Variants in TACC1 observed in about 807,000 individuals in gnomAD.
TACC1 encodes the protein transforming acidic coiled-coil-containing protein 1.
TACC1 carries 48 observed loss-of-function variants against 84.4 expected under a neutral mutation model. That is an observed-to-expected ratio of 0.57 (90% CI 0.45 to 0.72). The LOEUF (loss-of-function observed/expected upper bound fraction) is 0.72, where lower values mean the gene tolerates loss of function less well. Among genes scored for constraint, TACC1 ranks in the 30% least tolerant of loss-of-function variants. TACC1 has a pLI of 0.00. For synonymous variants in TACC1, 372 were observed against 376.3 expected, an observed-to-expected ratio of 0.99 and a Z score of 0.13; for missense variants, 920 against 973.0, an observed-to-expected ratio of 0.95 and a Z score of 0.72.
chr8:38,801,692 G>A (rs1376201480), intron 2 of TACC1, among the ~76,000 whole-genome samples: 1 of 152,068 alleles, frequency 6.6e-6, no homozygotes, highest in South Asian at 2.1e-4. Context: ...GATTGTTTTA[G>A]CTATTCTGAG....
chr8:38,785,032 G>C (rs972096917), upstream of TACC1, among the ~76,000 whole-genome samples: 5 of 148,202 alleles, frequency 3.4e-5, no homozygotes, highest in Non-Finnish European at 5.9e-5. Context: ...TCGGGGTATA[G>C]AAATGATAGA....
intron 1 of TACC1, among the ~76,000 whole-genome samples, chr8:38,735,392 G>A (rs1393797242): frequency 1.3e-5 from 2 of 152,240 alleles, no homozygotes; most frequent in Non-Finnish European, 2.9e-5. Flanking sequence ...ACTCTCCACC[G>A]TTTTCCACCC....
At chr8:38,745,931 A>G (rs1252494855) in intron 3 of TACC1, among the ~76,000 whole-genome samples, 1 of 152,168 alleles carries the variant, frequency 6.6e-6, no homozygotes. Context: ...CTGCAGCTTT[A>G]AACTCCTGGG....
exon 2 of TACC1, chr8:38,742,381 C>A: frequency 6.7e-7 from 1 of 1,497,344 alleles, no homozygotes; most frequent in East Asian, 2.5e-5. Context: ...GAGAGAGGTC[C>A]TGGTCTTGAT....
intron 2 of TACC1, among the ~76,000 whole-genome samples, chr8:38,793,045 T>G (rs1819118636): frequency 6.6e-6 from 1 of 152,176 alleles, no homozygotes; most frequent in South Asian, 2.1e-4. Flanking sequence ...ACACACACCT[T>G]TATCTACAGA....
chr8:38,788,916 A>G, intron 2 of TACC1, 97 bp downstream of exon 2: 1 of 999,236 alleles, frequency 1.0e-6, no homozygotes, highest in Non-Finnish European at 1.5e-6. Context: ...AGGACCATTT[A>G]AGAGAGTTTG....
chr8:38,836,228 G>A lies in TACC1; in HGVS notation c.1780G>A (p.Asp594Asn). ...GTCCTGTGGAGGTGAGAGCCCCCTG[G>A]ATGGGATCTGCCTCAGCGAATCAGA... ...SVSCGGESPLDGICLSESDKT... is the reference protein window; with the variant it reads ...SVSCGGESPLNGICLSESDKT... Residue 594 changes from aspartate (D) to asparagine (N), a missense_variant, in exon 7 of 13, where the codon GAT becomes AAT. Physicochemically the swap from Asp to Asn is conservative, Grantham distance 23. Around this residue, in one of 2 missense-constraint regions of TACC1, gnomAD observed 762 missense variants for 747.3 expected, o/e 1.02. Transcript: ENST00000317827. 1.2e-6 allele frequency: 2 copies of A among 1,613,160 alleles called. No individual in the cohort carries two copies. The highest frequency in any genetic ancestry group is 1.7e-6 in the Non-Finnish European group (2 of 1,179,876).
intron 1 of TACC1, among the ~76,000 whole-genome samples, chr8:38,730,592 A>G (rs1391432662): frequency 6.6e-6 from 1 of 152,238 alleles, no homozygotes; most frequent in Non-Finnish European, 1.5e-5. Context: ...AGGAAGAGCC[A>G]CTGAGTGACT....
In TACC1 at chr8:38,812,242, C is replaced by A. The variant is rs186958463; in HGVS notation, c.278-7280C>A. Among the ~76,000 whole-genome samples, 29 of 152,260 alleles carry A rather than the reference C, an allele frequency of 1.9e-4. No individual in the cohort carries two copies. In the East Asian group the frequency reaches 5.4e-3, roughly 28 times the overall value. On this transcript the variant is annotated intron_variant, in intron 2 of 12. Coordinates refer to ENST00000317827, the MANE Select transcript of TACC1 (RefSeq NM_006283.3). ...CTTGTGATCTTTGCTTTGCCCCTTG[C>A]CTTGTGATCTTTATTGGCCTCAGAA... is the stretch of plus-strand genomic sequence containing the variant.
chr8:38,787,862 T>C, intron 1 of TACC1, 119 bp downstream of exon 1: 1 of 1,023,750 alleles, frequency 9.8e-7, no homozygotes, highest in Non-Finnish European at 1.3e-6. Flanking sequence ...CCGTGCCGCG[T>C]CCCTGCCCGG....
chr8:38,823,056 G>A (rs1005438237), intron 3 of TACC1, among the ~76,000 whole-genome samples: 1 of 152,140 alleles, frequency 6.6e-6, no homozygotes, highest in Non-Finnish European at 1.5e-5. Flanking sequence ...GATCAGTTGG[G>A]GAAATGCTTC....
At chr8:38,759,787 T>C (rs1315284315) in intron 3 of TACC1, among the ~76,000 whole-genome samples, 1 of 152,202 alleles carries the variant, frequency 6.6e-6, no homozygotes, top group Non-Finnish European at 1.5e-5. Context: ...GGTGAAAGAC[T>C]CTAGAAATGC....
At chr8:38,842,221 C>T (rs1245400531) in intron 9 of TACC1, 66 bp from the exon 10 acceptor site, 3 of 1,546,270 alleles carry the variant, frequency 1.9e-6, no homozygotes, top group Admixed American at 3.8e-5. Context: ...GAGAACACTG[C>T]TTGTCTTCTA....
At chr8:38,757,317 C>T (rs1810277674) in intron 3 of TACC1, 11 of 1,266,574 alleles carry the variant, frequency 8.7e-6, no homozygotes, top group African/African-American at 1.6e-5. Context: ...GCAGCCCCGG[C>T]CCCAAGTTCT....
intron 2 of TACC1, among the ~76,000 whole-genome samples, chr8:38,792,633 T>A (rs1818960854): frequency 6.6e-6 from 1 of 152,108 alleles, no homozygotes; most frequent in South Asian, 2.1e-4. Flanking sequence ...GCCCAGCTAA[T>A]TTTTTGTATT....
rs1441073554 is a variant in TACC1 at position 38,839,298 on chromosome 8, G to T, written c.1916+752G>T. 1.0e-5 allele frequency: 4 copies of T among 395,176 alleles called. No homozygotes were observed. The South Asian group carries it at 5.1e-4, about 50-fold the overall frequency. 24.5% of individuals were successfully genotyped at this position (395,176 alleles called of 1,614,324 possible). ...AAACAAAATTGATTGACTTGAAATC[G>T]AAATCTTTTTATTTTTCCTCACTTT... On this transcript the variant is annotated intron_variant, in intron 8 of 12. Coordinates refer to ENST00000317827, the MANE Select transcript of TACC1 (RefSeq NM_006283.3).
Position 38,745,457 on chromosome 8 carries a change from CTGACCTGGAGATGAATAATATAT to C in TACC1, c.-7_16del. ...GTCTTAAGAGAAAAGTCAATCAAATCTGACCTGGAGATGAATAATATATTGAAACTTAAAAGGCAAGGGTTTTA... is the reference window on the plus strand; with the variant it reads ...GTCTTAAGAGAAAAGTCAATCAAATCTGAAACTTAAAAGGCAAGGGTTTTA... On this transcript the variant is annotated start_lost and 5_prime_UTR_variant, in exon 3 of 15. Coordinates refer to the TACC1 transcript ENST00000518415. 4.4e-6 allele frequency: 3 copies of C among 681,666 alleles called. No homozygotes were observed. The South Asian group carries it at 4.7e-5, about 11-fold the overall frequency. The allele number at this position is 681,666 out of a possible 1,614,324, so 42.2% of individuals were successfully genotyped here.
upstream of TACC1, chr8:38,728,609 G>C (rs559982080): frequency 6.6e-6 from 1 of 152,304 alleles, no homozygotes; most frequent in Non-Finnish European, 1.5e-5. Flanking sequence ...AGCGGTAGCA[G>C]GTGGCGCAGA....
chr8:38,738,852 C>A (rs980547238), intron 1 of TACC1, among the ~76,000 whole-genome samples: 12 of 152,116 alleles, frequency 7.9e-5, no homozygotes, highest in Admixed American at 3.3e-4. Flanking sequence ...TGGTTCTAGG[C>A]CCTCTCAGCT....
Sources: allele counts gnomAD v4.1 joint callset (sites outside exome capture counted in the v4.1 genomes callset), GRCh38; gene constraint gnomAD v4.1.1; regional missense constraint gnomAD v4.1.1; transcripts MANE v1.5; gene names NCBI Gene and HGNC (gene_info 2026-07-23, HGNC 2026-07-21).